Variants in DOK6 observed in about 807,000 individuals in gnomAD.
The protein encoded by DOK6 is downstream of tyrosine kinase 6.
Under a neutral mutation model 44.0 loss-of-function variants are expected in DOK6, and 22 were observed. The ratio of observed to expected loss-of-function variants is 0.50; its 90% CI spans 0.36 to 0.71. The LOEUF (loss-of-function observed/expected upper bound fraction) is 0.71. DOK6 is among the 30% of genes least tolerant of loss of function. The pLI, the probability that DOK6 is intolerant of heterozygous loss-of-function variation, is 0.00. For missense variants in DOK6, 340 were observed against 416.4 expected (o/e 0.82, Z 1.60); for synonymous variants, 166 against 145.5 (o/e 1.14, Z -1.01).
chr18:69,802,941 AG>A (rs1980946251), intron 7 of DOK6, among the ~76,000 whole-genome samples: 1 of 152,190 alleles, frequency 6.6e-6, no homozygotes, highest in African/African-American at 2.4e-5. Context: ...TTTAAGCCAA[AG>A]AAAGTAGGAA....
At chr18:69,446,536 T>G (rs1233159891) in intron 1 of DOK6, among the ~76,000 whole-genome samples, 1 of 152,162 alleles carries the variant, frequency 6.6e-6, no homozygotes, top group African/African-American at 2.4e-5. Flanking sequence ...TGTGTCTTTA[T>G]AGCAGCATGA....
intron 7 of DOK6, among the ~76,000 whole-genome samples, chr18:69,798,217 G>T (rs963052662): frequency 2.6e-5 from 4 of 152,054 alleles, no homozygotes; most frequent in Non-Finnish European, 5.9e-5. Flanking sequence ...CACTTAGGTG[G>T]TAAAACAATG....
At chr18:69,446,688 T>A (rs565640751) in intron 1 of DOK6, among the ~76,000 whole-genome samples, 76 of 152,316 alleles carry the variant, frequency 5.0e-4, no homozygotes, top group African/African-American at 1.7e-3. Context: ...GTCAAAGTGT[T>A]CCTGTTTCTC....
intron 3 of DOK6, among the ~76,000 whole-genome samples, chr18:69,603,587 C>T (rs576399528): frequency 2.0e-5 from 3 of 152,080 alleles, no homozygotes; most frequent in East Asian, 3.9e-4. Context: ...CTGGCTAGCA[C>T]GGTGAAACCC....
intron 4 of DOK6, among the ~76,000 whole-genome samples, chr18:69,685,421 T>A (rs937890755): frequency 1.3e-5 from 2 of 152,242 alleles, no homozygotes; most frequent in Admixed American, 1.3e-4. Flanking sequence ...AGGATAATGA[T>A]AGTCCTTATT....
At chr18:69,745,877 T>C (rs142516027) in intron 6 of DOK6, among the ~76,000 whole-genome samples, 98 of 152,348 alleles carry the variant, frequency 6.4e-4, no homozygotes, top group African/African-American at 2.3e-3. Context: ...TAACCATCAC[T>C]AAAAATTCAT....
At chr18:69,649,773 A>C (rs1252231399) in intron 3 of DOK6, among the ~76,000 whole-genome samples, 1 of 152,198 alleles carries the variant, frequency 6.6e-6, no homozygotes, top group East Asian at 1.9e-4. Context: ...CTAAGATTTT[A>C]ATAGTAAAAT....
intron 7 of DOK6, among the ~76,000 whole-genome samples, chr18:69,772,867 G>T (rs1219489265): frequency 6.6e-6 from 1 of 151,912 alleles, no homozygotes; most frequent in Non-Finnish European, 1.5e-5. Context: ...AAAATCAACT[G>T]CACAGTAAAG....
intron 3 of DOK6, among the ~76,000 whole-genome samples, chr18:69,641,840 C>CA (rs889439759): frequency 2.9e-4 from 44 of 151,868 alleles, no homozygotes; most frequent in Admixed American, 5.2e-4. Flanking sequence ...AACACACACA[C>CA]AAAAAAAGAT....
intron 1 of DOK6, among the ~76,000 whole-genome samples, chr18:69,429,467 T>C (rs1978735461): frequency 6.6e-6 from 1 of 151,658 alleles, no homozygotes; most frequent in Non-Finnish European, 1.5e-5. Context: ...ATCAAAAATA[T>C]ATTGGAAATA....
In DOK6 at chr18:69,533,495, G is replaced by A. The variant is rs143125976; in HGVS notation, c.67-30992G>A. Among the ~76,000 whole-genome samples, 299 of 152,098 alleles carry A rather than the reference G, an allele frequency of 2.0e-3. 5 individuals carry two copies. Among genetic ancestry groups the A allele is most frequent in the African/African-American group, 4.8e-3 (200 of 41,526 alleles). On this transcript the variant is annotated intron_variant, in intron 1 of 7. Coordinates refer to ENST00000382713, the MANE Select transcript of DOK6 (RefSeq NM_152721.6). The stretch of plus-strand genomic sequence containing the variant: ...GAAAAATACAAACATGAAATGATTC[G>A]TATTATGCAAATATAAGTATTAATC...
chr18:69,816,472 T>C (rs1466744888), intron 7 of DOK6, among the ~76,000 whole-genome samples: 1 of 152,164 alleles, frequency 6.6e-6, no homozygotes, highest in Non-Finnish European at 1.5e-5. Context: ...TAAAACAGAT[T>C]AGCAGTAAAG....
At chr18:69,491,521 T>A (rs1012793128) in intron 1 of DOK6, among the ~76,000 whole-genome samples, 3 of 152,232 alleles carry the variant, frequency 2.0e-5, no homozygotes, top group Non-Finnish European at 2.9e-5. Flanking sequence ...GAAGTACTTA[T>A]GGCTAAATTT....
intron 5 of DOK6, among the ~76,000 whole-genome samples, chr18:69,725,929 C>T (rs1978304521): frequency 1.3e-5 from 2 of 152,170 alleles, no homozygotes; most frequent in African/African-American, 4.8e-5. Flanking sequence ...CGCTAAGGAC[C>T]CAGCATCTTC....
intron 3 of DOK6, among the ~76,000 whole-genome samples, chr18:69,631,408 G>T (rs2144646485): frequency 1.9e-5 from 1 of 51,822 alleles, no homozygotes; most frequent in East Asian, 3.0e-4. Context: ...CGTGTGACCA[G>T]CTGGCCCAGG....
intron 5 of DOK6, among the ~76,000 whole-genome samples, chr18:69,736,389 C>T (rs1475681477): frequency 6.6e-6 from 1 of 152,034 alleles, no homozygotes; most frequent in Non-Finnish European, 1.5e-5. Context: ...TTTTATGAGG[C>T]CCTAGAATAT....
intron 7 of DOK6, among the ~76,000 whole-genome samples, chr18:69,792,858 G>T (rs1980639430): frequency 6.6e-6 from 1 of 151,864 alleles, no homozygotes; most frequent in African/African-American, 2.4e-5. Flanking sequence ...CGTCCTTCAG[G>T]AGATAATAAA....
chr18:69,700,576 A>G (rs1986497762), intron 5 of DOK6, among the ~76,000 whole-genome samples: 1 of 151,904 alleles, frequency 6.6e-6, no homozygotes, highest in Non-Finnish European at 1.5e-5. Context: ...TGTCTTTGAG[A>G]TTAGAGATCT....
intron 6 of DOK6, among the ~76,000 whole-genome samples, chr18:69,741,516 G>A (rs1978797585): frequency 6.6e-6 from 1 of 151,892 alleles, no homozygotes; most frequent in African/African-American, 2.4e-5. Context: ...GTTGTTTTTT[G>A]AGACAGGGTC....
Sources: allele counts gnomAD v4.1 joint callset (sites outside exome capture counted in the v4.1 genomes callset), GRCh38; gene constraint gnomAD v4.1.1; transcripts MANE v1.5; gene names NCBI Gene and HGNC (gene_info 2026-07-23, HGNC 2026-07-21).